Variants in KRIT1 observed in about 807,000 individuals in gnomAD.
KRIT1 encodes krev interaction trapped protein 1.
KRIT1 carries 45 observed loss-of-function variants against 95.8 expected under a neutral mutation model. The ratio of observed to expected loss-of-function variants is 0.47; its 90% confidence interval spans 0.37 to 0.60. KRIT1 has a LOEUF of 0.60. Ranked by LOEUF, KRIT1 falls within the 20% of genes least tolerant of loss-of-function variation. The pLI is 0.00. For missense variants in KRIT1, 788 were observed against 877.5 expected (o/e 0.90, Z 1.29); for synonymous variants, 282 against 278.8 (o/e 1.01, Z -0.11).
At position 92,200,750 on chromosome 7, in the gene KRIT1, C is replaced by T; in HGVS notation, c.2197G>A (p.Glu733Lys). 6.2e-7 allele frequency: 1 copy of T among 1,603,960 alleles called. No individual in the cohort carries two copies. The highest frequency in any genetic ancestry group is 8.5e-7 in the Non-Finnish European group (1 of 1,170,798). ...MKLNGQLMPT[E>K]RNS is the part of the protein sequence containing the mutation. ...TTACTTCTCTTTCATGAATTTCTTT[C>T]AGTGGGCATTAACTGTCCATTTAGC... The change falls in exon 19 of 19, where the codon GAA becomes AAA. Residue 733 changes from glutamate to lysine, a missense_variant. This residue lies in a region of KRIT1 where 493 missense variants were observed against 582.3 expected (regional missense o/e 0.85). Coordinates refer to ENST00000394505, the MANE Select transcript of KRIT1 (RefSeq NM_194454.3).
At chr7:92,213,660 A>G (rs1224509615) in intron 16 of KRIT1, among the ~76,000 whole-genome samples, 1 of 152,074 alleles carries the variant, frequency 6.6e-6, no homozygotes, top group Non-Finnish European at 1.5e-5. Context: ...TCAAATTTTT[A>G]TCTTTAGTCC....
intron 14 of KRIT1, among the ~76,000 whole-genome samples, chr7:92,219,898 G>A (rs184863505): frequency 6.6e-6 from 1 of 152,206 alleles, no homozygotes; most frequent in Non-Finnish European, 1.5e-5. Flanking sequence ...TATTTTAATG[G>A]ACTTCTTAAT....
At chr7:92,215,400 G>T (rs1261503642) in intron 14 of KRIT1, among the ~76,000 whole-genome samples, 1 of 152,134 alleles carries the variant, frequency 6.6e-6, no homozygotes, top group Non-Finnish European at 1.5e-5. Flanking sequence ...AAAGCCTGTT[G>T]TAAGACATTT....
At chr7:92,206,004 C>A (rs1791398255) in intron 17 of KRIT1, 1 of 152,728 alleles carries the variant, frequency 6.5e-6, no homozygotes, top group South Asian at 2.1e-4. Flanking sequence ...CACCTGCCTG[C>A]CACCAGCACC....
At chr7:92,222,730 G>C (rs563567550) in intron 13 of KRIT1, 92 bp downstream of exon 13, 4 of 765,802 alleles carry the variant, frequency 5.2e-6, no homozygotes, top group East Asian at 2.6e-5. Flanking sequence ...CAAAATTTAA[G>C]AGTCAAGAAT....
chr7:92,213,311 C>G lies in KRIT1; in HGVS notation c.1909G>C (p.Ala637Pro). The change falls in exon 17 of 19, where the codon GCA becomes CCA. Residue 637 changes from alanine (A) to proline (P), a missense_variant. Coordinates refer to ENST00000394505, the MANE Select transcript of KRIT1 (RefSeq NM_194454.3). ...QNCWEIPTYG[A>P]AFFTGQIFTK... ...AATATCTGTCCTGTGAAAAATGCTG[C>G]TCCATAAGTAGGAATTTCCCAGCAA... is the stretch of plus-strand genomic sequence containing the variant. 1 of 1,613,430 alleles carries G rather than the reference C, an allele frequency of 6.2e-7. No homozygotes were observed.
intron 9 of KRIT1, 42 bp from the exon 10 acceptor site, chr7:92,234,634 T>G: frequency 1.3e-6 from 2 of 1,541,470 alleles, no homozygotes; most frequent in Non-Finnish European, 1.8e-6. Flanking sequence ...AACAGGACTG[T>G]AAAAATTGTT....
chr7:92,217,949 AGTGGGT>A (rs1411186104), intron 14 of KRIT1, among the ~76,000 whole-genome samples: 4 of 152,068 alleles, frequency 2.6e-5, no homozygotes, highest in Non-Finnish European at 5.9e-5. Context: ...TAGCCATCCT[AGTGGGT>A]GTGGTTTCTC....
At chr7:92,219,677 G>A (rs906378304) in intron 14 of KRIT1, among the ~76,000 whole-genome samples, 3 of 152,168 alleles carry the variant, frequency 2.0e-5, no homozygotes, top group Non-Finnish European at 4.4e-5. Context: ...CACAAAAAAA[G>A]CTATTGGAAT....
intron 10 of KRIT1, among the ~76,000 whole-genome samples, chr7:92,233,011 T>C (rs1797645345): frequency 6.6e-6 from 1 of 152,144 alleles, no homozygotes; most frequent in African/African-American, 2.4e-5. Flanking sequence ...TTTCTTTTAG[T>C]ATTGTTTTTG....
intron 14 of KRIT1, among the ~76,000 whole-genome samples, chr7:92,221,466 T>C (rs1795127387): frequency 6.6e-6 from 1 of 152,174 alleles, no homozygotes; most frequent in Admixed American, 6.5e-5. Flanking sequence ...TATGGACTGT[T>C]GAGAATGACT....
intron 14 of KRIT1, among the ~76,000 whole-genome samples, chr7:92,221,314 C>A (rs535554382): frequency 6.6e-6 from 1 of 152,170 alleles, no homozygotes; most frequent in East Asian, 1.9e-4. Flanking sequence ...TGGCACACGC[C>A]TATAATCCCA....
At chr7:92,233,402 T>C (rs1382736105) in intron 10 of KRIT1, among the ~76,000 whole-genome samples, 2 of 148,016 alleles carry the variant, frequency 1.4e-5, no homozygotes, top group East Asian at 3.9e-4. Flanking sequence ...CAATAAATAA[T>C]GTGGTACTTT....
chr7:92,229,454 A>G (rs1796852696), intron 10 of KRIT1, among the ~76,000 whole-genome samples: 1 of 152,220 alleles, frequency 6.6e-6, no homozygotes, highest in African/African-American at 2.4e-5. Flanking sequence ...TTACAAGAAA[A>G]AACCACCCCA....
intron 5 of KRIT1, among the ~76,000 whole-genome samples, chr7:92,238,453 A>G (rs1798885285): frequency 1.3e-5 from 2 of 152,210 alleles, no homozygotes; most frequent in African/African-American, 4.8e-5. Flanking sequence ...GGTAAATGAT[A>G]AGACTTCAAA....
At chr7:92,244,621 C>T (rs1800454149) in intron 2 of KRIT1, among the ~76,000 whole-genome samples, 1 of 152,090 alleles carries the variant, frequency 6.6e-6, no homozygotes, top group African/African-American at 2.4e-5. Flanking sequence ...AAGTAACTAA[C>T]ATAGGAAGGT....
chr7:92,213,778 C>A, intron 16 of KRIT1, 114 bp downstream of exon 16: 1 of 714,232 alleles, frequency 1.4e-6, no homozygotes, highest in Non-Finnish European at 2.5e-6. Flanking sequence ...CTAGAAGATA[C>A]ATTTTTAATT....
At chr7:92,221,099 T>C (rs1291254964) in intron 14 of KRIT1, among the ~76,000 whole-genome samples, 2 of 152,192 alleles carry the variant, frequency 1.3e-5, no homozygotes, top group Non-Finnish European at 2.9e-5. Context: ...GTAAATACTA[T>C]TCTCATTTTT....
chr7:92,246,007 C>T (rs932427766), upstream of KRIT1: 9 of 245,378 alleles, frequency 3.7e-5, no homozygotes, highest in Non-Finnish European at 5.6e-5. Context: ...GTTCCTGCTC[C>T]TTTTCACTGG....
Sources: allele counts gnomAD v4.1 joint callset (sites outside exome capture counted in the v4.1 genomes callset), GRCh38; gene constraint gnomAD v4.1.1; regional missense constraint gnomAD v4.1.1; transcripts MANE v1.5; gene names NCBI Gene and HGNC (gene_info 2026-07-23, HGNC 2026-07-21).